The following DNAH3 variants were observed in gnomAD, a reference collection of about 807,000 sequenced individuals.
The protein encoded by DNAH3 is axonemal beta dynein heavy chain 3.
In DNAH3, 332 loss-of-function variants were observed where a neutral mutation model predicts 432.5. The observed-to-expected ratio is 0.77, with a 90% CI of 0.70 to 0.84. The LOEUF is 0.84. DNAH3 is among the 40% of genes least tolerant of loss of function. The pLI, the probability that DNAH3 is intolerant of heterozygous loss-of-function variation, is 0.00. For missense variants in DNAH3, 4,861 were observed against 5,114.0 expected (o/e 0.95, Z 1.51); for synonymous variants, 1,956 against 1,900.2 (o/e 1.03, Z -0.76).
intron 41 of DNAH3, 78 bp downstream of exon 41, chr16:21,019,546 G>A: frequency 1.9e-6 from 3 of 1,546,898 alleles, no homozygotes; most frequent in Non-Finnish European, 2.6e-6. Context: ...GGGCTCACCT[G>A]TCTGCACATT....
At chr16:20,980,143 G>T in intron 49 of DNAH3, among the ~76,000 whole-genome samples, 1 of 137,264 alleles carries the variant, frequency 7.3e-6, no homozygotes, top group Non-Finnish European at 1.5e-5. Flanking sequence ...GTAGTTTGGA[G>T]ATATTCCCTG....
intron 1 of DNAH3, among the ~76,000 whole-genome samples, chr16:21,157,026 A>ACACACACAC (rs1350953793): frequency 1.3e-5 from 1 of 75,900 alleles, no homozygotes; most frequent in Non-Finnish European, 2.7e-5. Flanking sequence ...CACACACACA[A>ACACACACAC]TCTTTTCCTG....
At chr16:21,032,897 A>C (rs899899864) in intron 36 of DNAH3, among the ~76,000 whole-genome samples, 1 of 152,112 alleles carries the variant, frequency 6.6e-6, no homozygotes, top group Admixed American at 6.6e-5. Flanking sequence ...AGGTATATTA[A>C]AATGGTATAT....
intron 49 of DNAH3, among the ~76,000 whole-genome samples, chr16:20,980,235 T>TTA (rs59370460): frequency 8.4e-5 from 9 of 107,214 alleles, no homozygotes; most frequent in African/African-American, 2.7e-4. Context: ...TTTATTTATA[T>TTA]TATATATATA....
chr16:21,047,043 C>G (rs2089732392), intron 31 of DNAH3, among the ~76,000 whole-genome samples: 1 of 152,252 alleles, frequency 6.6e-6, no homozygotes, highest in Middle Eastern at 3.4e-3. Flanking sequence ...GCAGAGAGAT[C>G]CGCTGTTACT....
At chr16:21,154,745 G>A (rs2092887535) in intron 1 of DNAH3, among the ~76,000 whole-genome samples, 1 of 152,172 alleles carries the variant, frequency 6.6e-6, no homozygotes, top group African/African-American at 2.4e-5. Context: ...ACTTGGTTAT[G>A]AAATCTGTTC....
intron 12 of DNAH3, among the ~76,000 whole-genome samples, chr16:21,116,391 C>G (rs1376640005): frequency 1.3e-5 from 2 of 151,968 alleles, no homozygotes; most frequent in African/African-American, 4.8e-5. Context: ...CTCACGAGAT[C>G]TGATGGTTTA....
rs1295881211 is a variant in DNAH3, at chr16:20,964,894, CCAGT to C, written c.8986_8989del (p.Thr2996ValfsTer49). On this transcript the variant is annotated frameshift_variant, in exon 53 of 62. Transcript: ENST00000261383. LOFTEE classifies it high-confidence loss of function. ...AGTTCCTGAGGACAGCAACACGTCACCAGTCAGATTAGTATAGCGGATCCCCAGC... is the reference window on the plus strand; with the variant it reads ...AGTTCCTGAGGACAGCAACACGTCACCAGATTAGTATAGCGGATCCCCAGC... 2 of 1,614,194 alleles carry C rather than the reference CCAGT, an allele frequency of 1.2e-6. No homozygotes were observed. Among genetic ancestry groups the C allele is most frequent in the Admixed American group, 1.7e-5 (1 of 60,022 alleles).
chr16:20,967,653 A>G (rs1320654236), intron 52 of DNAH3, among the ~76,000 whole-genome samples: 1 of 151,162 alleles, frequency 6.6e-6, no homozygotes, highest in African/African-American at 2.4e-5. Context: ...GGCACACACC[A>G]CTATGCCCAG....
At chr16:20,981,110 C>A (rs1281509388) in intron 49 of DNAH3, among the ~76,000 whole-genome samples, 1 of 152,194 alleles carries the variant, frequency 6.6e-6, no homozygotes, top group South Asian at 2.1e-4. Flanking sequence ...GAAAATTATA[C>A]ACTGAGTTAA....
chr16:21,118,093 T>C (rs1162510342), intron 11 of DNAH3, among the ~76,000 whole-genome samples: 1 of 151,512 alleles, frequency 6.6e-6, no homozygotes, highest in Non-Finnish European at 1.5e-5. Flanking sequence ...GCTCAAGCGA[T>C]TCTCCTGCCT....
intron 61 of DNAH3, among the ~76,000 whole-genome samples, chr16:20,934,318 C>T (rs755549572): frequency 1.6e-4 from 24 of 152,264 alleles, no homozygotes; most frequent in Non-Finnish European, 2.2e-4. Flanking sequence ...TCTACAGATG[C>T]TCCTCAACTT....
Position 21,121,928 on chromosome 16 carries a change from TTAAG to T in DNAH3, c.1584+13_1584+16del. 2 of 1,575,662 alleles carry T rather than the reference TTAAG, an allele frequency of 1.3e-6. No homozygotes were observed. The highest frequency in any genetic ancestry group is 1.7e-6 in the Non-Finnish European group (2 of 1,161,324). ...GTGAAAAAATCATGCAAATGAATGA[TTAAG>T]TGACTACTATACCTTGGGGATCCCA... On this transcript the variant is annotated intron_variant, in intron 10 of 61. Transcript: ENST00000261383.
At chr16:21,094,702 G>T (rs1406727904) in intron 18 of DNAH3, among the ~76,000 whole-genome samples, 1 of 152,018 alleles carries the variant, frequency 6.6e-6, no homozygotes, top group African/African-American at 2.4e-5. Context: ...ATACCCAGTG[G>T]CTGGTTGATA....
At chr16:21,126,197 AAG>A (rs1466379994) in intron 8 of DNAH3, among the ~76,000 whole-genome samples, 1 of 152,052 alleles carries the variant, frequency 6.6e-6, no homozygotes, top group Admixed American at 6.6e-5. Context: ...AACAAACAAA[AAG>A]AAATAGATGC....
At chr16:20,973,993 A>G (rs913702136) in intron 51 of DNAH3, among the ~76,000 whole-genome samples, 5 of 152,116 alleles carry the variant, frequency 3.3e-5, no homozygotes, top group African/African-American at 4.8e-5. Context: ...GAAAAGTGGT[A>G]AAACATGAGG....
chr16:21,083,008 T>G (rs2091246428), intron 19 of DNAH3, among the ~76,000 whole-genome samples: 1 of 149,716 alleles, frequency 6.7e-6, no homozygotes, highest in African/African-American at 2.5e-5. Context: ...TTTTTAAATT[T>G]TTCTTTTTCC....
chr16:20,980,374 G>A (rs868489421), intron 49 of DNAH3, among the ~76,000 whole-genome samples: 30 of 122,078 alleles, frequency 2.5e-4, no homozygotes, highest in Middle Eastern at 4.4e-3. Flanking sequence ...ATATATATAT[G>A]TGGGGGGGGA....
intron 38 of DNAH3, 70 bp downstream of exon 38, chr16:21,026,957 G>T: frequency 9.4e-7 from 1 of 1,067,860 alleles, no homozygotes; most frequent in South Asian, 1.3e-5. Flanking sequence ...TGAAATTTGA[G>T]AGCTTTCTCT....
Sources: allele counts gnomAD v4.1 joint callset (sites outside exome capture counted in the v4.1 genomes callset), GRCh38; gene constraint gnomAD v4.1.1; transcripts MANE v1.5; gene names NCBI Gene and HGNC (gene_info 2026-07-23, HGNC 2026-07-21).